A2ML1: variants seen among roughly 807,000 people sequenced by gnomAD.
The protein encoded by A2ML1 is alpha-2-macroglobulin-like protein 1.
Under a neutral mutation model 181.9 loss-of-function variants are expected in A2ML1, and 161 were observed. The ratio of observed to expected loss-of-function variants is 0.89; its 90% CI spans 0.78 to 1.01. The LOEUF is 1.01. Among genes scored for constraint, A2ML1 ranks in the 50% least tolerant of loss-of-function variants. A2ML1 has a pLI of 0.00. For missense variants in A2ML1, 1,670 were observed against 1,768.1 expected (o/e 0.94, Z 1.00); for synonymous variants, 663 against 666.8 (o/e 0.99, Z 0.09).
At chr12:8,881,201 C>T (rs1944867173), downstream of A2ML1, among the ~76,000 whole-genome samples, 1 of 151,986 alleles carries the variant, frequency 6.6e-6, no homozygotes, top group South Asian at 2.1e-4. Flanking sequence ...CGAGAAAAGA[C>T]AGATGAAAGG....
chr12:8,867,669 C>T (rs1944465978), intron 29 of A2ML1, among the ~76,000 whole-genome samples, 173 bp from the exon 30 acceptor site: 1 of 151,698 alleles, frequency 6.6e-6, no homozygotes, highest in Non-Finnish European at 1.5e-5. Context: ...AAGCAAGCTA[C>T]TGTGATTTCT....
intron 7 of A2ML1, among the ~76,000 whole-genome samples, chr12:8,882,533 C>T (rs920102613): frequency 1.3e-5 from 2 of 152,126 alleles, no homozygotes; most frequent in East Asian, 3.9e-4. Context: ...TTGCAAAAAC[C>T]CAGTTGCTGC....
At chr12:8,872,229 A>C (rs998732685) in intron 33 of A2ML1, among the ~76,000 whole-genome samples, 5 of 151,482 alleles carry the variant, frequency 3.3e-5, no homozygotes, top group Admixed American at 1.3e-4. Context: ...CTTTTGGTTC[A>C]TATTAGTCAT....
rs1942782617 is a variant in A2ML1, at chr12:8,822,734, T to G, written c.62+21T>G. 3.1e-6 allele frequency: 5 copies of G among 1,613,396 alleles called. No homozygotes were observed. The African/African-American group carries it at 6.7e-5, about 22-fold the overall frequency. On this transcript the variant is annotated intron_variant, in intron 1 of 35. Coordinates refer to ENST00000299698, the MANE Select transcript of A2ML1 (RefSeq NM_144670.6). ...CTTCCGTGAGTGCTTGGTGTCAGAA[T>G]TGGTTTATTAGGGCAGCGGCTTCTT...
At chr12:8,879,127 T>C (rs749390693), downstream of A2ML1, among the ~76,000 whole-genome samples, 1 of 152,068 alleles carries the variant, frequency 6.6e-6, no homozygotes, top group East Asian at 1.9e-4. Flanking sequence ...TGGGGGAAGA[T>C]ATGCAAAGGA....
At chr12:8,855,618 A>C in intron 23 of A2ML1, 26 bp downstream of exon 23, 1 of 1,612,596 alleles carries the variant, frequency 6.2e-7, no homozygotes, top group Non-Finnish European at 8.5e-7. Flanking sequence ...TTCTTGACTC[A>C]GAAAGGAAAA....
chr12:8,824,222 GTTTTTTTTTT>G (rs34400836), intron 3 of A2ML1, among the ~76,000 whole-genome samples: 1 of 92,310 alleles, frequency 1.1e-5, no homozygotes, highest in Admixed American at 1.4e-4. Context: ...AGCTACTGGG[GTTTTTTTTTT>G]TTTTTTTTTT....
intron 12 of A2ML1, 59 bp from the exon 13 acceptor site, chr12:8,845,383 G>A (rs1565475003): frequency 3.2e-5 from 51 of 1,572,260 alleles, no homozygotes; most frequent in Non-Finnish European, 4.4e-5. Flanking sequence ...TCTGGAAGTT[G>A]GTCCAAGGTG....
At chr12:8,844,601 G>A (rs1592125869) in intron 12 of A2ML1, among the ~76,000 whole-genome samples, 2 of 152,098 alleles carry the variant, frequency 1.3e-5, no homozygotes, top group South Asian at 2.1e-4. Flanking sequence ...TTGATGGCTC[G>A]GAGCCTCTTT....
At position 8,823,576 on chromosome 12, in the gene A2ML1, C is replaced by T. The variant is rs1942819376; in HGVS notation, c.247-144C>T. ...CCTTTAGTTCCTGACCTTAATTCTT[C>T]CTCGTGGTAATTTGTTTTATGTCTC... On this transcript the variant is annotated intron_variant, in intron 2 of 35. Coordinates refer to ENST00000299698, the MANE Select transcript of A2ML1 (RefSeq NM_144670.6). 4 of 1,103,882 alleles carry T rather than the reference C, an allele frequency of 3.6e-6. No homozygotes were observed. In the Admixed American group the frequency reaches 6.9e-5, roughly 19 times the overall value. The allele number at this position is 1,103,882 out of a possible 1,614,324, so 68.4% of individuals were successfully genotyped here.
At position 8,824,840 on chromosome 12, in the gene A2ML1, G is replaced by T. The variant is rs1013391368; in HGVS notation, c.409+958G>T. Among the ~76,000 whole-genome samples, 3 of 152,150 alleles carry T rather than the reference G, an allele frequency of 2.0e-5. No individual in the cohort carries two copies. In the East Asian group the frequency reaches 5.8e-4, roughly 29 times the overall value. ...CCACAAATAAATGAGAACATGGAAA[G>T]TTTGTCTTTCTGTGTCTGGTTTATT... On this transcript the variant is annotated intron_variant, in intron 3 of 35. Transcript: ENST00000299698.
chr12:8,873,124 G>C (rs1944684591), intron 33 of A2ML1, among the ~76,000 whole-genome samples: 1 of 152,040 alleles, frequency 6.6e-6, no homozygotes, highest in Non-Finnish European at 1.5e-5. Context: ...TGCAATCTCG[G>C]GGATCCCTGG....
chr12:8,840,977 A>G (rs1459714669), intron 10 of A2ML1, among the ~76,000 whole-genome samples: 1 of 123,946 alleles, frequency 8.1e-6, no homozygotes, highest in African/African-American at 2.9e-5. Flanking sequence ...GAAGGAAGGA[A>G]AGAAGGAAGG....
chr12:8,827,388 T>A lies in A2ML1; in HGVS notation c.410-2339T>A, dbSNP rs749672140. Among the ~76,000 whole-genome samples the A allele has an allele frequency of 2.9e-4, 44 of 152,330 alleles. No homozygotes were observed. In the East Asian group the frequency reaches 8.3e-3, roughly 29 times the overall value. ...TCTAGGTTTGGAAAGTTCTCTGTTATTTTCACTTTGAATAAACTTTCCATC... is the reference window on the plus strand; with the variant it reads ...TCTAGGTTTGGAAAGTTCTCTGTTAATTTCACTTTGAATAAACTTTCCATC... On this transcript the variant is annotated intron_variant, in intron 3 of 35. Coordinates refer to ENST00000299698, the MANE Select transcript of A2ML1 (RefSeq NM_144670.6).
intron 26 of A2ML1, chr12:8,858,348 C>T (rs747974246): frequency 6.7e-5 from 24 of 359,816 alleles, no homozygotes; most frequent in Non-Finnish European, 9.9e-5. Flanking sequence ...TTTGGGAGGC[C>T]GAGGCGGGCA....
Position 8,846,296 on chromosome 12 carries a change from A to G in A2ML1, c.1683+74A>G, listed in dbSNP as rs55906630. ...AGATCTTGTGTGTGCTGCGGTTGGA[A>G]ACAAGACAAGTCAGGGAAAGAAGAT... On this transcript the variant is annotated intron_variant, in intron 14 of 35. Transcript: ENST00000299698. 0.16 allele frequency: 256,977 copies of G among 1,559,448 alleles called. 24,675 individuals are homozygous for G. Among genetic ancestry groups the G allele is most frequent in the African/African-American group, 0.35 (25,619 of 73,964 alleles).
intron 3 of A2ML1, among the ~76,000 whole-genome samples, chr12:8,824,140 A>G (rs1331162609): frequency 1.3e-5 from 2 of 151,148 alleles, no homozygotes; most frequent in African/African-American, 4.8e-5. Flanking sequence ...TTTGGCAAGT[A>G]TAACTGGGTT....
At position 8,852,158 on chromosome 12, in the gene A2ML1, T is replaced by C; in HGVS notation, c.2464-52T>C. The stretch of plus-strand genomic sequence containing the variant: ...CAGCCCCCAGGTTTCCCCAGGCCTC[T>C]ATGCACTACCTCCTTTGTTTGTACC... On this transcript the variant is annotated intron_variant, in intron 19 of 35. Coordinates refer to ENST00000299698, the MANE Select transcript of A2ML1 (RefSeq NM_144670.6). The surrounding 1 kb of genome is among the most constrained non-coding windows in gnomAD (Gnocchi z 4.2). 3 of 1,610,662 alleles carry C rather than the reference T, an allele frequency of 1.9e-6. No homozygotes were observed. The highest frequency in any genetic ancestry group is 2.5e-6 in the Non-Finnish European group (3 of 1,178,300).
intron 14 of A2ML1, among the ~76,000 whole-genome samples, 167 bp downstream of exon 14, chr12:8,846,389 T>C (rs1010745833): frequency 6.6e-6 from 1 of 152,140 alleles, no homozygotes; most frequent in Admixed American, 6.6e-5. Context: ...GAAATCCATC[T>C]CTCTCCTACT....
Sources: allele counts gnomAD v4.1 joint callset (sites outside exome capture counted in the v4.1 genomes callset), GRCh38; gene constraint gnomAD v4.1.1; non-coding constraint Gnocchi (gnomAD v3.1); transcripts MANE v1.5; gene names NCBI Gene and HGNC (gene_info 2026-07-23, HGNC 2026-07-21).